Variants in METTL2B observed in about 807,000 individuals in gnomAD.
The protein encoded by METTL2B is methyltransferase 2B, tRNA N3-cytidine.
A neutral mutation model predicts 51.0 loss-of-function variants in METTL2B; 28 were observed. That is an observed-to-expected ratio of 0.55 (90% confidence interval 0.41 to 0.75). METTL2B has a LOEUF of 0.75. Ranked by LOEUF, METTL2B falls within the 30% of genes least tolerant of loss-of-function variation. METTL2B has a pLI of 0.00. For missense variants in METTL2B, 313 were observed against 460.7 expected (o/e 0.68, Z 2.93); for synonymous variants, 128 against 166.3 (o/e 0.77, Z 1.77).
intron 5 of METTL2B, among the ~76,000 whole-genome samples, chr7:128,490,806 G>A (rs1419207276): frequency 1.3e-5 from 2 of 152,036 alleles, no homozygotes; most frequent in East Asian, 3.9e-4. Flanking sequence ...AATCAGCTTT[G>A]GCCAATGAGA....
intron 4 of METTL2B, chr7:128,484,232 T>TTTTTTTTTTTTTTTTTG (rs1563027693): frequency 1.1e-4 from 9 of 83,570 alleles, no homozygotes; most frequent in African/African-American, 4.5e-4. Flanking sequence ...TTTTTTTTTT[T>TTTTTTTTTTTTTTTTTG]TTTTTTTTTT....
chr7:128,489,351 G>A (rs1311626899), intron 5 of METTL2B, among the ~76,000 whole-genome samples: 6 of 150,410 alleles, frequency 4.0e-5, no homozygotes, highest in African/African-American at 1.5e-4. Context: ...CAGGAGAATT[G>A]CTTGAACTGG....
chr7:128,496,411 G>T (rs1414313830), intron 6 of METTL2B, among the ~76,000 whole-genome samples: 2 of 152,122 alleles, frequency 1.3e-5, no homozygotes, highest in Admixed American at 1.3e-4. Context: ...AATTAGCCAG[G>T]TGCATATTTG....
In METTL2B at chr7:128,506,486, A is replaced by T. The variant is rs1372639329; in HGVS notation, c.*4570A>T. 1.3e-5 allele frequency: 2 copies of T among 152,274 alleles called. No homozygotes were observed. Among genetic ancestry groups the T allele is most frequent in the East Asian group, 3.9e-4 (2 of 5,180 alleles). 9.4% of individuals were successfully genotyped at this position (152,274 alleles called of 1,614,324 possible). A position where few individuals can be genotyped will look rare whatever the true frequency, so the allele number is the denominator to read the frequency against. On this transcript the variant is annotated 3_prime_UTR_variant, in exon 9 of 9. Transcript: ENST00000262432. ...AATTTGACTCTGTAAGGGACTTTGC[A>T]TAACGTTTCATCCTCAGAATCGCTA... is the stretch of plus-strand genomic sequence containing the variant.
intron 7 of METTL2B, among the ~76,000 whole-genome samples, chr7:128,500,621 C>CA (rs1471858344): frequency 3.4e-5 from 5 of 148,836 alleles, no homozygotes; most frequent in African/African-American, 4.9e-5. Flanking sequence ...AACTCTGTCT[C>CA]AAAAAAAATA....
At position 128,502,098 on chromosome 7, in the gene METTL2B, A is replaced by T. The variant is rs1793041279; in HGVS notation, c.*182A>T. The T allele has an allele frequency of 1.4e-6, 1 of 705,792 alleles. No individual in the cohort carries two copies. Among genetic ancestry groups the T allele is most frequent in the Non-Finnish European group, 2.2e-6 (1 of 449,308 alleles). 43.7% of individuals were successfully genotyped at this position (705,792 alleles called of 1,614,324 possible). ...AAATAGCGAGAGACCCTGAATCTGA[A>T]AGTAATGATAAAATAAAAAGAATAT... On this transcript the variant is annotated 3_prime_UTR_variant, in exon 9 of 9. Coordinates refer to ENST00000262432, the MANE Select transcript of METTL2B (RefSeq NM_018396.3).
chr7:128,487,217 A>G (rs1792735242), intron 4 of METTL2B, among the ~76,000 whole-genome samples: 1 of 152,182 alleles, frequency 6.6e-6, no homozygotes, highest in African/African-American at 2.4e-5. Context: ...CCAAAGGTCA[A>G]CAGTTCAGCA....
At chr7:128,477,830 C>A in intron 2 of METTL2B, 1 of 332,842 alleles carries the variant, frequency 3.0e-6, no homozygotes, top group Non-Finnish European at 6.4e-6. Context: ...TTCTGTACAA[C>A]AAAAAGGTTC....
chr7:128,483,280 C>A (rs1408656720), intron 4 of METTL2B: 3 of 152,220 alleles, frequency 2.0e-5, no homozygotes, highest in Non-Finnish European at 4.4e-5. Context: ...TCATGTAATT[C>A]ACTGGCTTAG....
intron 2 of METTL2B, among the ~76,000 whole-genome samples, chr7:128,477,483 A>G (rs548655931): frequency 3.3e-5 from 5 of 152,308 alleles, no homozygotes; most frequent in African/African-American, 1.2e-4. Flanking sequence ...TCACGCGATC[A>G]TCTTAGAACC....
At chr7:128,487,647 G>A (rs1380246771) in intron 4 of METTL2B, among the ~76,000 whole-genome samples, 2 of 152,182 alleles carry the variant, frequency 1.3e-5, no homozygotes, top group African/African-American at 4.8e-5. Context: ...TCTCAGTAGT[G>A]TTTGGTGAAC....
chr7:128,484,833 G>A (rs529078243), intron 4 of METTL2B, among the ~76,000 whole-genome samples: 2 of 152,066 alleles, frequency 1.3e-5, no homozygotes, highest in African/African-American at 2.4e-5. Context: ...TGCCTGCCTC[G>A]GCCTGCCAAA....
Position 128,479,402 on chromosome 7 carries a change from A to C in METTL2B, c.447A>C (p.Glu149Asp), listed in dbSNP as rs370330757. The stretch of plus-strand genomic sequence containing the variant: ...ACAAGTGTTCTTCGAAGAGCCTTGA[A>C]CATAAAACACAGACACCTCCTGTGG... ...EQHKCSSKSL[E>D]HKTQTPPVEE... The change falls in exon 3 of 9, where the codon GAA (glutamate) becomes GAC (aspartate). Residue 149 changes from glutamate to aspartate, a missense_variant. Around this residue, in one of 4 missense-constraint regions of METTL2B, gnomAD observed 42 missense variants for 113.4 expected, o/e 0.37. Coordinates refer to ENST00000262432, the MANE Select transcript of METTL2B (RefSeq NM_018396.3). The C allele has an allele frequency of 3.7e-6, 6 of 1,614,132 alleles. No individual in the cohort carries two copies. The highest frequency in any genetic ancestry group is 5.1e-6 in the Non-Finnish European group (6 of 1,180,032).
intron 2 of METTL2B, among the ~76,000 whole-genome samples, chr7:128,478,845 C>T: frequency 6.6e-6 from 1 of 151,938 alleles, no homozygotes; most frequent in Non-Finnish European, 1.5e-5. Context: ...GCCTGGGTGA[C>T]AGAGCGAGAC....
At chr7:128,495,984 T>A (rs1352371185) in intron 6 of METTL2B, among the ~76,000 whole-genome samples, 3 of 152,146 alleles carry the variant, frequency 2.0e-5, no homozygotes, top group Non-Finnish European at 4.4e-5. Context: ...AAATTAGTGT[T>A]AAAGGTCAAG....
chr7:128,477,402 G>C (rs1413644635), intron 2 of METTL2B, among the ~76,000 whole-genome samples: 1 of 152,172 alleles, frequency 6.6e-6, no homozygotes, highest in Non-Finnish European at 1.5e-5. Flanking sequence ...TACTTTGGAG[G>C]AGGGTAATTT....
chr7:128,499,704 A>G (rs10264312), intron 7 of METTL2B, among the ~76,000 whole-genome samples: 25,608 of 135,240 alleles, frequency 0.19, 3,476 homozygotes, highest in East Asian at 0.42. Context: ...TATTTTTAGT[A>G]GAGACAGGGT....
intron 5 of METTL2B, chr7:128,488,387 C>T: frequency 1.4e-6 from 1 of 722,344 alleles, no homozygotes. Context: ...GGCAACCCTG[C>T]ATCAAGCAAG....
At chr7:128,492,483 A>G (rs1322204563) in intron 5 of METTL2B, among the ~76,000 whole-genome samples, 2 of 149,388 alleles carry the variant, frequency 1.3e-5, no homozygotes, top group African/African-American at 2.5e-5. Context: ...AAGTCTCACT[A>G]TGTTGCCTAG....
Sources: allele counts gnomAD v4.1 joint callset (sites outside exome capture counted in the v4.1 genomes callset), GRCh38; gene constraint gnomAD v4.1.1; regional missense constraint gnomAD v4.1.1; transcripts MANE v1.5; gene names NCBI Gene and HGNC (gene_info 2026-07-23, HGNC 2026-07-21).